The following FNIP1 variants were observed in gnomAD, a reference collection of about 807,000 sequenced individuals.
The protein encoded by FNIP1 is folliculin interacting protein 1.
Under a neutral mutation model 124.5 loss-of-function variants are expected in FNIP1, and 40 were observed. The ratio of observed to expected loss-of-function variants is 0.32; its 90% CI spans 0.25 to 0.42. The LOEUF (loss-of-function observed/expected upper bound fraction) is 0.42, where lower values mean the gene tolerates loss of function less well. FNIP1 is among the 10% of genes least tolerant of loss of function. The pLI is 1.00. For missense variants in FNIP1, 1,176 were observed against 1,403.7 expected (o/e 0.84, Z 2.59); for synonymous variants, 472 against 470.6 (o/e 1.00, Z -0.04).
At chr5:131,755,237 A>G (rs1356433502) in intron 1 of FNIP1, among the ~76,000 whole-genome samples, 3 of 152,242 alleles carry the variant, frequency 2.0e-5, no homozygotes, top group Non-Finnish European at 4.4e-5. Context: ...CCTGGCCAAC[A>G]TGGCAAAACC....
intron 1 of FNIP1, among the ~76,000 whole-genome samples, chr5:131,789,831 C>T (rs1193933168): frequency 6.6e-6 from 1 of 152,216 alleles, no homozygotes; most frequent in East Asian, 1.9e-4. Context: ...TTAACACATC[C>T]TCAGGGCGAA....
rs1767871383 is a variant in FNIP1, at chr5:131,674,990, T to C, written c.1520-2066A>G. Among the ~76,000 whole-genome samples, 5 of 152,328 alleles carry C rather than the reference T, an allele frequency of 3.3e-5. No homozygotes were observed. The South Asian group carries it at 1.0e-3, about 32-fold the overall frequency. On this transcript the variant is annotated intron_variant, in intron 13 of 17. Coordinates refer to ENST00000510461, the MANE Select transcript of FNIP1 (RefSeq NM_133372.3). ...TAATTCCCACAAATTACCAAGTAAG[T>C]TGAAATTGCTTTGGCATGGCAAGTG...
At chr5:131,731,316 G>T (rs555679104) in intron 2 of FNIP1, among the ~76,000 whole-genome samples, 1 of 152,034 alleles carries the variant, frequency 6.6e-6, no homozygotes, top group Non-Finnish European at 1.5e-5. Flanking sequence ...CATTAATACC[G>T]ATGTAATAAT....
At chr5:131,763,892 T>C (rs1771328323) in intron 1 of FNIP1, among the ~76,000 whole-genome samples, 1 of 152,144 alleles carries the variant, frequency 6.6e-6, no homozygotes. Flanking sequence ...TTTGATATAG[T>C]TTGGATCTGT....
Position 131,719,302 on chromosome 5 carries a change from CA to C in FNIP1, c.455+14del. 1 of 1,579,428 alleles carries C rather than the reference CA, an allele frequency of 6.3e-7. No homozygotes were observed. The highest frequency in any genetic ancestry group is 8.5e-7 in the Non-Finnish European group (1 of 1,169,834). On this transcript the variant is annotated intron_variant, in intron 4 of 17. Coordinates refer to ENST00000510461, the MANE Select transcript of FNIP1 (RefSeq NM_133372.3). ...AAAATGGGACTCGTTAAAAAAAAAT[CA>C]GAAAACCTCTCACCGAATCTGATGA...
intron 11 of FNIP1, among the ~76,000 whole-genome samples, chr5:131,694,760 T>G (rs1437809786): frequency 1.3e-5 from 2 of 152,198 alleles, no homozygotes; most frequent in Non-Finnish European, 2.9e-5. Context: ...AGTAATAATG[T>G]ATTAACATTA....
chr5:131,700,581 A>G (rs1768865977), intron 10 of FNIP1, among the ~76,000 whole-genome samples: 1 of 152,208 alleles, frequency 6.6e-6, no homozygotes, highest in African/African-American at 2.4e-5. Context: ...GAGACTGGCA[A>G]TTTATAAAGA....
intron 11 of FNIP1, among the ~76,000 whole-genome samples, chr5:131,682,300 T>C (rs1014406773): frequency 3.3e-5 from 5 of 152,228 alleles, no homozygotes; most frequent in East Asian, 1.9e-4. Context: ...TTTAGTATTA[T>C]ATTTGTTTAA....
intron 16 of FNIP1, among the ~76,000 whole-genome samples, chr5:131,651,271 T>G (rs900363940): frequency 6.6e-6 from 1 of 152,142 alleles, no homozygotes; most frequent in African/African-American, 2.4e-5. Context: ...CACGTGCCTG[T>G]AGTTCCTCCT....
chr5:131,720,778 T>C (rs1561673092), intron 3 of FNIP1, among the ~76,000 whole-genome samples: 1 of 152,104 alleles, frequency 6.6e-6, no homozygotes, highest in East Asian at 1.9e-4. Context: ...CAGAGAAATG[T>C]AAATCAAAAC....
chr5:131,725,151 T>C (rs1769817547), intron 3 of FNIP1, among the ~76,000 whole-genome samples: 2 of 152,194 alleles, frequency 1.3e-5, no homozygotes, highest in Non-Finnish European at 2.9e-5. Context: ...TCCAGCTTTG[T>C]TCTTTTGGCT....
chr5:131,747,063 T>C (rs903381752), intron 1 of FNIP1, among the ~76,000 whole-genome samples: 5 of 152,210 alleles, frequency 3.3e-5, no homozygotes, highest in African/African-American at 7.2e-5. Flanking sequence ...TGTTGGCTGG[T>C]TGGATGTCTT....
At chr5:131,663,765 A>C (rs1421299128) in intron 15 of FNIP1, among the ~76,000 whole-genome samples, 1 of 152,234 alleles carries the variant, frequency 6.6e-6, no homozygotes, top group African/African-American at 2.4e-5. Context: ...AATATTATAC[A>C]TGGTTAAAAT....
chr5:131,670,630 A>G lies in FNIP1; in HGVS notation c.2941T>C (p.Ser981Pro). 1 of 1,586,198 alleles carries G rather than the reference A, an allele frequency of 6.3e-7. No homozygotes were observed. ...AEEDEIPFPG[S>P]KLIEVSAVQP... ...ACAGCACTCACTTCGATTAACTTTG[A>G]CCTGGAAGAAAAATGCCCCCAAAAG... is the stretch of plus-strand genomic sequence containing the variant. Residue 981 changes from serine (S) to proline (P), a missense_variant and splice_region_variant, in exon 15 of 18, where the codon TCA becomes CCA. Physicochemically the swap from Ser to Pro is moderately conservative, Grantham distance 74. Coordinates refer to ENST00000510461, the MANE Select transcript of FNIP1 (RefSeq NM_133372.3).
intron 1 of FNIP1, among the ~76,000 whole-genome samples, chr5:131,792,847 T>C (rs969169303): frequency 1.1e-5 from 1 of 91,356 alleles, no homozygotes; most frequent in Non-Finnish European, 3.1e-5. Flanking sequence ...TATGCAAGTA[T>C]TCAAAAATCC....
At chr5:131,700,994 G>T (rs1768882126) in intron 10 of FNIP1, among the ~76,000 whole-genome samples, 1 of 152,140 alleles carries the variant, frequency 6.6e-6, no homozygotes, top group Admixed American at 6.5e-5. Context: ...TTAGGTCGGG[G>T]TCCCCAGCCT....
intron 1 of FNIP1, among the ~76,000 whole-genome samples, chr5:131,792,027 C>T (rs760932579): frequency 1.9e-4 from 29 of 152,172 alleles, no homozygotes; most frequent in Non-Finnish European, 3.7e-4. Context: ...TCCTGAAAGC[C>T]ATGTGCTAAG....
chr5:131,643,111 C>A lies in FNIP1; in HGVS notation c.*1574G>T, dbSNP rs555746624. 1 of 152,412 alleles carries A rather than the reference C, an allele frequency of 6.6e-6. No homozygotes were observed. The highest frequency in any genetic ancestry group is 1.9e-4 in the East Asian group (1 of 5,318). 9.4% of individuals were successfully genotyped at this position (152,412 alleles called of 1,614,324 possible). A position where few individuals can be genotyped will look rare whatever the true frequency, so the allele number is the denominator to read the frequency against. ...ACTAGGTAAAAGGTCATGGGCCAAA[C>A]AGATTGCAGACACACCAATTTCAGG... is the stretch of plus-strand genomic sequence containing the variant. On this transcript the variant is annotated 3_prime_UTR_variant, in exon 18 of 18. Coordinates refer to ENST00000510461, the MANE Select transcript of FNIP1 (RefSeq NM_133372.3).
At position 131,651,916 on chromosome 5, in the gene FNIP1, G is replaced by A; in HGVS notation, c.3192C>T (p.Ser1064=). The change falls in exon 16 of 18, where the codon AGC becomes AGT. Residue 1064 remains serine, a synonymous_variant. Transcript: ENST00000510461. ...MDKWTVQVAS[S]QRRVTDNKLG... ...ATTTATTATCTGTCACTCGTCTCTG[G>A]CTACTGGCCACTTGAACAGTCCATT... The A allele has an allele frequency of 1.9e-6, 3 of 1,614,088 alleles. No homozygotes were observed. In the East Asian group the frequency reaches 6.7e-5, roughly 36 times the overall value.
Sources: allele counts gnomAD v4.1 joint callset (sites outside exome capture counted in the v4.1 genomes callset), GRCh38; gene constraint gnomAD v4.1.1; transcripts MANE v1.5; gene names NCBI Gene and HGNC (gene_info 2026-07-23, HGNC 2026-07-21).